Variants in ZNF678 observed in about 807,000 individuals in gnomAD.
ZNF678 encodes zinc finger protein 678, also known as hypothetical protein MGC42493.
In ZNF678, 5 loss-of-function variants were observed where a neutral mutation model predicts 3.0. That is an observed-to-expected ratio of 1.69 (90% confidence interval 0.88 to 3.56). The LOEUF (loss-of-function observed/expected upper bound fraction) is 3.56. Among genes scored for constraint, ZNF678 ranks in the 30% most tolerant of loss-of-function variants. The pLI, the probability that ZNF678 is intolerant of heterozygous loss-of-function variation, is 0.00. For missense variants in ZNF678, 593 were observed against 605.0 expected (o/e 0.98, Z 0.21); for synonymous variants, 218 against 199.6 (o/e 1.09, Z -0.78).
intron 1 of ZNF678, among the ~76,000 whole-genome samples, chr1:227,591,309 C>A (rs994282207): frequency 6.8e-5 from 10 of 147,672 alleles, no homozygotes; most frequent in African/African-American, 2.5e-4. Flanking sequence ...AGGGGTTACA[C>A]TGACCACTGG....
intron 1 of ZNF678, among the ~76,000 whole-genome samples, chr1:227,576,776 T>A (rs1024753817): frequency 6.6e-6 from 1 of 152,238 alleles, no homozygotes; most frequent in African/African-American, 2.4e-5. Context: ...TGCCTTCTGC[T>A]AGCTTTGGGA....
intron 5 of ZNF678, among the ~76,000 whole-genome samples, chr1:227,670,152 C>CT (rs1659575715): frequency 6.6e-6 from 1 of 152,148 alleles, no homozygotes; most frequent in South Asian, 2.1e-4. Flanking sequence ...CAAATAGGCA[C>CT]TGTGGATTCC....
chr1:227,602,699 A>G (rs1387849161), intron 1 of ZNF678, among the ~76,000 whole-genome samples: 2 of 152,242 alleles, frequency 1.3e-5, no homozygotes, highest in Non-Finnish European at 2.9e-5. Context: ...GGCTCTAAGC[A>G]TCCTTCCTCC....
At chr1:227,595,265 C>T (rs1183403361) in intron 1 of ZNF678, among the ~76,000 whole-genome samples, 1 of 148,018 alleles carries the variant, frequency 6.8e-6, no homozygotes, top group Non-Finnish European at 1.5e-5. Context: ...CCTCTCTCTT[C>T]TCTGTCTCTC....
At chr1:227,564,264 C>T (rs1236552858) in intron 1 of ZNF678, among the ~76,000 whole-genome samples, 2 of 152,108 alleles carry the variant, frequency 1.3e-5, no homozygotes, top group African/African-American at 4.8e-5. Context: ...TTTGGACTGT[C>T]CAGGTGGAAA....
At chr1:227,678,454 C>CCG (rs1659719011), downstream of ZNF678, among the ~76,000 whole-genome samples, 1 of 152,214 alleles carries the variant, frequency 6.6e-6, no homozygotes, top group South Asian at 2.1e-4. Context: ...ACTTCTCTTG[C>CCG]CTCTCTAGGC....
intron 1 of ZNF678, among the ~76,000 whole-genome samples, chr1:227,611,708 G>A (rs887958401): frequency 2.0e-5 from 3 of 152,132 alleles, no homozygotes; most frequent in Non-Finnish European, 4.4e-5. Flanking sequence ...ACTCACTCTG[G>A]ATCTTGACTC....
Position 227,654,604 on chromosome 1 carries a change from T to A in ZNF678, c.354T>A (p.Ile118=). The change falls in exon 4 of 4, where the codon ATT becomes ATA. Residue 118 remains isoleucine, a synonymous_variant. Transcript: ENST00000343776. ...WRSILTEHKR[I]HTGEKPYKCE... ...CAATCCTTACTGAACATAAGAGAAT[T>A]CATACTGGAGAGAAGCCATACAAAT... 2.5e-6 allele frequency: 4 copies of A among 1,613,160 alleles called. No individual in the cohort carries two copies. The highest frequency in any genetic ancestry group is 3.4e-6 in the Non-Finnish European group (4 of 1,179,330).
In ZNF678 at chr1:227,656,015, G is replaced by A. The variant is rs1200007724; in HGVS notation, c.*187G>A. The stretch of plus-strand genomic sequence containing the variant: ...AAAGATCTTCCTGTAAACAGAATCT[G>A]TACTAGAGGAAAAACCCTTAAACAA... On this transcript the variant is annotated 3_prime_UTR_variant, in exon 4 of 4. Transcript: ENST00000343776. The A allele has an allele frequency of 1.5e-5, 7 of 465,430 alleles. No homozygotes were observed. Among genetic ancestry groups the A allele is most frequent in the African/African-American group, 1.2e-4 (6 of 49,464 alleles). 28.8% of individuals were successfully genotyped at this position (465,430 alleles called of 1,614,324 possible).
In ZNF678 at chr1:227,657,886, A is replaced by C. The variant is rs1332265787; in HGVS notation, c.*2058A>C. On this transcript the variant is annotated 3_prime_UTR_variant, in exon 4 of 4. Transcript: ENST00000343776. ...TTTGTATTGAATTTACTTCTGTAAA[A>C]TCTTATGGCTGCTGGCTCAGAATCT... The C allele has an allele frequency of 6.6e-6, 1 of 152,028 alleles. No individual in the cohort carries two copies. Among genetic ancestry groups the C allele is most frequent in the Non-Finnish European group, 1.5e-5 (1 of 67,922 alleles). The allele number at this position is 152,028 out of a possible 1,614,324, so 9.4% of individuals were successfully genotyped here. A position where few individuals can be genotyped will look rare whatever the true frequency, so the allele number is the denominator to read the frequency against.
At chr1:227,640,659 C>T (rs935746006) in intron 1 of ZNF678, among the ~76,000 whole-genome samples, 1 of 152,066 alleles carries the variant, frequency 6.6e-6, no homozygotes, top group African/African-American at 2.4e-5. Flanking sequence ...CATTTGGACC[C>T]GTTATCTAAT....
rs1215820521 is a variant in ZNF678 at position 227,598,873 on chromosome 1, TTTC to T, written c.-164+35152_-164+35154del. 8 of 651,464 alleles carry T rather than the reference TTTC, an allele frequency of 1.2e-5. No individual in the cohort carries two copies. In the East Asian group the frequency reaches 2.4e-4, roughly 20 times the overall value. The allele number at this position is 651,464 out of a possible 1,614,324, so 40.4% of individuals were successfully genotyped here. On this transcript the variant is annotated intron_variant, in intron 1 of 3. Coordinates refer to ENST00000343776, the MANE Select transcript of ZNF678 (RefSeq NM_001367909.1). ...GATGAATACCTACCAAATTTATTCT[TTTC>T]TTTTTTTGTTTTGATGAGCTCTCAC...
intron 5 of ZNF678, among the ~76,000 whole-genome samples, chr1:227,676,338 C>T (rs1037020844): frequency 3.7e-4 from 57 of 152,196 alleles, no homozygotes; most frequent in African/African-American, 1.3e-3. Flanking sequence ...GTAAGACTAC[C>T]AAATGTAAGC....
intron 1 of ZNF678, among the ~76,000 whole-genome samples, chr1:227,591,913 G>A (rs985171306): frequency 2.0e-5 from 3 of 152,134 alleles, no homozygotes; most frequent in African/African-American, 4.8e-5. Flanking sequence ...AATGAGTCCC[G>A]CGATGAGTTT....
chr1:227,597,422 G>A (rs1041500943), intron 1 of ZNF678, among the ~76,000 whole-genome samples: 12 of 152,216 alleles, frequency 7.9e-5, no homozygotes, highest in Non-Finnish European at 1.2e-4. Context: ...CCAGTTTATG[G>A]CCAGATTTTG....
intron 1 of ZNF678, among the ~76,000 whole-genome samples, chr1:227,639,728 A>G (rs962438726): frequency 3.9e-5 from 6 of 152,198 alleles, no homozygotes; most frequent in Admixed American, 2.0e-4. Flanking sequence ...CCTCTGCACC[A>G]GTAGGCTGGG....
intron 1 of ZNF678, among the ~76,000 whole-genome samples, chr1:227,611,871 A>G (rs182620470): frequency 2.0e-5 from 3 of 152,284 alleles, no homozygotes; most frequent in Admixed American, 6.5e-5. Flanking sequence ...TGGATCTGAG[A>G]ACCCTATTCT....
chr1:227,576,731 A>T (rs74775862), intron 1 of ZNF678, among the ~76,000 whole-genome samples: 5 of 151,988 alleles, frequency 3.3e-5, no homozygotes, highest in Admixed American at 2.0e-4. Flanking sequence ...CATGTCTCAG[A>T]TTTCTTCAGT....
intron 1 of ZNF678, among the ~76,000 whole-genome samples, chr1:227,589,465 G>A (rs1189962770): frequency 4.0e-5 from 6 of 151,728 alleles, no homozygotes; most frequent in Non-Finnish European, 7.4e-5. Flanking sequence ...GTAGCAGGAC[G>A]AGCTGCAGAC....
Sources: allele counts gnomAD v4.1 joint callset (sites outside exome capture counted in the v4.1 genomes callset), GRCh38; gene constraint gnomAD v4.1.1; transcripts MANE v1.5; gene names NCBI Gene and HGNC (gene_info 2026-07-23, HGNC 2026-07-21).